The following ARMC3 variants were observed in gnomAD, a reference collection of about 807,000 sequenced individuals.
ARMC3 encodes the protein armadillo repeat-containing protein 3.
In ARMC3, 74 loss-of-function variants were observed where a neutral mutation model predicts 90.3. That is an observed-to-expected ratio of 0.82 (90% CI 0.68 to 0.99). ARMC3 has a LOEUF of 0.99. Ranked by LOEUF, ARMC3 falls within the 50% of genes least tolerant of loss-of-function variation. The pLI is 0.00. For missense variants in ARMC3, 958 were observed against 1,042.8 expected (o/e 0.92, Z 1.12); for synonymous variants, 334 against 361.8 (o/e 0.92, Z 0.87).
intron 10 of ARMC3, among the ~76,000 whole-genome samples, chr10:22,987,508 G>T (rs12254304): frequency 6.6e-6 from 1 of 152,198 alleles, no homozygotes; most frequent in African/African-American, 2.4e-5. Flanking sequence ...TAGTATAAAT[G>T]TTGGCTAGAC....
Position 22,955,776 on chromosome 10 carries a change from A to T in ARMC3, c.167-31A>T, listed in dbSNP as rs766357110. On this transcript the variant is annotated intron_variant, in intron 3 of 18. Transcript: ENST00000298032. ...AATGCTGATGAGATCGATAATATCC[A>T]TGTGTGGTTTTGTTTTACGTGTGAT... The T allele has an allele frequency of 3.1e-6, 5 of 1,611,650 alleles. No homozygotes were observed. In the Admixed American group the frequency reaches 5.0e-5, roughly 16 times the overall value.
rs1241526045 is a variant in ARMC3 at position 22,963,884 on chromosome 10, GTC to G, written c.732+1809_732+1810del. Among the ~76,000 whole-genome samples the G allele has an allele frequency of 1.8e-3, 173 of 98,750 alleles. 1 individual carries two copies. The highest frequency in any genetic ancestry group is 6.3e-3 in the African/African-American group (157 of 24,900). 64.8% of individuals were successfully genotyped at this position (98,750 alleles called of 152,430 possible). A position where few individuals can be genotyped will look rare whatever the true frequency, so the allele number is the denominator to read the frequency against. ...CAGCCTGGCAACAGGGCGAGACTCT[GTC>G]TCACACACACACACACACACACACA... On this transcript the variant is annotated intron_variant, in intron 7 of 18. Coordinates refer to ENST00000298032, the MANE Select transcript of ARMC3 (RefSeq NM_173081.5).
chr10:23,037,594 G>T lies in ARMC3; in HGVS notation c.*115G>T, dbSNP rs1327295235. The T allele has an allele frequency of 1.0e-6, 1 of 970,600 alleles. No homozygotes were observed. Among genetic ancestry groups the T allele is most frequent in the Admixed American group, 3.2e-5 (1 of 30,814 alleles). 60.1% of individuals were successfully genotyped at this position (970,600 alleles called of 1,614,324 possible). ...ATAAAAACTTTAAATAAAAGTATTA[G>T]AAATGTTTTCTCTGCGTAGAAATTA... is the stretch of plus-strand genomic sequence containing the variant. On this transcript the variant is annotated 3_prime_UTR_variant, in exon 19 of 19. Transcript: ENST00000298032.
chr10:22,993,370 A>G lies in ARMC3; in HGVS notation c.1176-4778A>G, dbSNP rs180790145. Reference sequence around the variant, plus strand: ...TGTAAAATTTTATTTCTTGAATACCATCTAAAAATTACCTCACTGTATAAT... The same window carrying G: ...TGTAAAATTTTATTTCTTGAATACCGTCTAAAAATTACCTCACTGTATAAT... On this transcript the variant is annotated intron_variant, in intron 10 of 18. Transcript: ENST00000298032. Among the ~76,000 whole-genome samples, 257 of 152,322 alleles carry G rather than the reference A, an allele frequency of 1.7e-3. 1 individual carries two copies. The highest frequency in any genetic ancestry group is 2.7e-3 in the Non-Finnish European group (187 of 68,026).
intron 8 of ARMC3, among the ~76,000 whole-genome samples, chr10:22,970,877 G>C (rs1835653767): frequency 6.6e-6 from 1 of 152,148 alleles, no homozygotes; most frequent in African/African-American, 2.4e-5. Flanking sequence ...TCCTATTCTT[G>C]CTTTTTAAAT....
At chr10:22,940,645 C>T (rs2131162169) in intron 2 of ARMC3, among the ~76,000 whole-genome samples, 1 of 152,098 alleles carries the variant, frequency 6.6e-6, no homozygotes, top group South Asian at 2.1e-4. Context: ...GCCACCACAC[C>T]TGGCTAATTT....
intron 7 of ARMC3, among the ~76,000 whole-genome samples, chr10:22,962,745 G>A (rs1040976719): frequency 3.3e-5 from 5 of 152,140 alleles, no homozygotes; most frequent in African/African-American, 4.8e-5. Context: ...GAGAAAAACG[G>A]AGTGGTAACT....
chr10:22,983,139 T>C (rs548525018), intron 10 of ARMC3, among the ~76,000 whole-genome samples: 179 of 152,224 alleles, frequency 1.2e-3, no homozygotes, highest in African/African-American at 4.2e-3. Context: ...CAAAAAAAAA[T>C]CTTATCAGAG....
At chr10:22,937,857 A>G (rs1252424618) in intron 2 of ARMC3, among the ~76,000 whole-genome samples, 3 of 152,134 alleles carry the variant, frequency 2.0e-5, no homozygotes, top group Non-Finnish European at 4.4e-5. Flanking sequence ...GGTGATGGAG[A>G]CAGAGAAACA....
intron 14 of ARMC3, 117 bp downstream of exon 14, chr10:23,007,098 C>A: frequency 1.3e-6 from 1 of 793,014 alleles, no homozygotes; most frequent in Non-Finnish European, 2.0e-6. Context: ...GTATCTAGCA[C>A]CTCCATGAAA....
chr10:23,018,514 A>ATTTTTTTTTTTTTTTTTTTTTTTTTTTTT (rs5783816), intron 16 of ARMC3, among the ~76,000 whole-genome samples: 1 of 115,484 alleles, frequency 8.7e-6, no homozygotes. Context: ...CACCTTAGTA[A>ATTTTTTTTTTTTTTTTTTTTTTTTTTTTT]TTTTTTTTTT....
At chr10:22,953,545 A>G (rs1009270490) in intron 3 of ARMC3, among the ~76,000 whole-genome samples, 2 of 151,448 alleles carry the variant, frequency 1.3e-5, no homozygotes, top group Non-Finnish European at 2.9e-5. Context: ...AATAAAAGAT[A>G]TCTACAAAAA....
At chr10:22,960,513 G>C (rs1396895464) in intron 6 of ARMC3, 3 of 152,008 alleles carry the variant, frequency 2.0e-5, no homozygotes, top group African/African-American at 7.3e-5. Context: ...TGAGAAAGAA[G>C]CTCAGCCCCT....
chr10:23,005,245 G>C (rs896901376), intron 13 of ARMC3, among the ~76,000 whole-genome samples: 1 of 151,406 alleles, frequency 6.6e-6, no homozygotes, highest in Non-Finnish European at 1.5e-5. Flanking sequence ...CAAACCAAGG[G>C]GGGAAAACAA....
intron 10 of ARMC3, among the ~76,000 whole-genome samples, chr10:22,997,651 C>T (rs1243656725): frequency 6.6e-6 from 1 of 152,140 alleles, no homozygotes; most frequent in Non-Finnish European, 1.5e-5. Flanking sequence ...TGAATTTTAA[C>T]TTAAATCAGG....
intron 17 of ARMC3, among the ~76,000 whole-genome samples, chr10:23,032,637 T>C (rs1047267219): frequency 4.6e-5 from 7 of 152,228 alleles, no homozygotes; most frequent in African/African-American, 1.7e-4. Context: ...TCAAATTGAA[T>C]GAAATTGCTA....
intron 12 of ARMC3, 111 bp downstream of exon 12, chr10:23,002,166 C>A: frequency 7.0e-7 from 1 of 1,422,384 alleles, no homozygotes; most frequent in Non-Finnish European, 9.3e-7. Context: ...TCTCTCAGTC[C>A]GCTGAAGCGC....
intron 11 of ARMC3, 41 bp from the exon 12 acceptor site, chr10:23,001,878 T>C (rs73600592): frequency 0.024 from 37,795 of 1,594,058 alleles, 645 homozygotes; most frequent in African/African-American, 0.061. Context: ...ATAGTTACAT[T>C]CTACACTCTT....
intron 16 of ARMC3, among the ~76,000 whole-genome samples, chr10:23,011,818 C>T (rs1165437346): frequency 1.3e-5 from 2 of 152,170 alleles, no homozygotes; most frequent in Middle Eastern, 3.2e-3. Context: ...TCTGTCTCTT[C>T]GTGCATTTTC....
Sources: gnomAD v4.1 joint callset for allele counts (sites outside exome capture counted in the v4.1 genomes callset) on GRCh38, gnomAD v4.1.1 for gene constraint, MANE v1.5 for transcripts, NCBI Gene and HGNC (gene_info 2026-07-23, HGNC 2026-07-21) for gene names.